Variants in ACTR3C observed in about 807,000 individuals in gnomAD.
ACTR3C encodes the protein actin-related protein 3C.
ACTR3C carries 18 observed loss-of-function variants against 26.3 expected under a neutral mutation model. The observed-to-expected ratio is 0.68, with a 90% CI of 0.47 to 1.01. The LOEUF (loss-of-function observed/expected upper bound fraction) is 1.01, where lower values mean the gene tolerates loss of function less well. Ranked by LOEUF, ACTR3C falls within the 50% of genes least tolerant of loss-of-function variation. The probability of loss-of-function intolerance (pLI) is 0.00; values close to 1 mark genes in which losing one functional copy is unlikely to be tolerated. For synonymous variants in ACTR3C, 55 were observed against 94.5 expected, an observed-to-expected ratio of 0.58 and a Z score of 2.42; for missense variants, 184 against 250.7, an observed-to-expected ratio of 0.73 and a Z score of 1.80.
At chr7:150,185,797 A>C in the ACTR3C span, among the ~76,000 whole-genome samples, 1 of 152,140 alleles carries the variant, frequency 6.6e-6, no homozygotes. Flanking sequence ...GAGTGTAAGT[A>C]GTGTGCCTGT....
chr7:149,954,075 T>C, the ACTR3C span, among the ~76,000 whole-genome samples: 3 of 145,720 alleles, frequency 2.1e-5, no homozygotes, highest in Non-Finnish European at 4.5e-5. Context: ...TATGTAATTT[T>C]TGTTTTCCCA....
the ACTR3C span, among the ~76,000 whole-genome samples, chr7:149,892,985 A>G: frequency 6.6e-6 from 1 of 152,012 alleles, no homozygotes; most frequent in African/African-American, 2.4e-5. Context: ...CCAAATATTA[A>G]TGGCTTTATA....
At chr7:149,889,173 G>A in the ACTR3C span, among the ~76,000 whole-genome samples, 1 of 152,100 alleles carries the variant, frequency 6.6e-6, no homozygotes, top group East Asian at 1.9e-4. Context: ...ACAAACCTAA[G>A]TTTTAAAAGT....
At chr7:150,152,793 A>G in the ACTR3C span, among the ~76,000 whole-genome samples, 1 of 152,220 alleles carries the variant, frequency 6.6e-6, no homozygotes, top group Non-Finnish European at 1.5e-5. Context: ...TTGGTAAGCT[A>G]TTGATTATTG....
the ACTR3C span, among the ~76,000 whole-genome samples, chr7:149,889,521 G>A: frequency 0.031 from 4,773 of 152,218 alleles, 246 homozygotes; most frequent in African/African-American, 0.11. Context: ...CCAGTCAGTA[G>A]GTGAAAAATA....
At chr7:149,939,849 C>T in the ACTR3C span, among the ~76,000 whole-genome samples, 1 of 147,160 alleles carries the variant, frequency 6.8e-6, no homozygotes, top group East Asian at 1.9e-4. Context: ...GCAAATCTTC[C>T]ATTTGAAAGA....
the ACTR3C span, among the ~76,000 whole-genome samples, chr7:149,990,266 C>T: frequency 7.3e-5 from 11 of 150,568 alleles, no homozygotes; most frequent in Admixed American, 5.3e-4. Flanking sequence ...CCCATCAGCC[C>T]CTTTCCCATT....
the ACTR3C span, among the ~76,000 whole-genome samples, chr7:149,931,158 G>A: frequency 4.6e-5 from 7 of 152,242 alleles, no homozygotes; most frequent in Non-Finnish European, 7.3e-5. Context: ...GAGCCACTGA[G>A]CCCGGCCATA....
chr7:150,159,345 C>T, the ACTR3C span, among the ~76,000 whole-genome samples: 1 of 152,138 alleles, frequency 6.6e-6, no homozygotes, highest in African/African-American at 2.4e-5. Flanking sequence ...TTTTCTCTTG[C>T]ACTTCATCCC....
the ACTR3C span, among the ~76,000 whole-genome samples, chr7:150,223,531 G>C: frequency 6.6e-6 from 1 of 151,904 alleles, no homozygotes. Context: ...TTCCCAAGAC[G>C]TTAGTACAAT....
At chr7:150,104,626 G>A in the ACTR3C span, among the ~76,000 whole-genome samples, 36 of 151,452 alleles carry the variant, frequency 2.4e-4, no homozygotes, top group African/African-American at 8.7e-4. Context: ...AGGGCCTACT[G>A]GGTGACAGGA....
the ACTR3C span, among the ~76,000 whole-genome samples, chr7:150,171,544 A>G: frequency 6.8e-6 from 1 of 148,054 alleles, no homozygotes; most frequent in Non-Finnish European, 1.5e-5. Context: ...ACAGGTTTCA[A>G]ATCAACATTT....
At chr7:150,225,710 C>T in the ACTR3C span, among the ~76,000 whole-genome samples, 1 of 152,214 alleles carries the variant, frequency 6.6e-6, no homozygotes, top group East Asian at 1.9e-4. Flanking sequence ...TTGGTTTTGT[C>T]ACATTCTGCA....
At chr7:149,901,706 G>C in the ACTR3C span, among the ~76,000 whole-genome samples, 18 of 152,034 alleles carry the variant, frequency 1.2e-4, no homozygotes, top group East Asian at 3.3e-3. Flanking sequence ...TTGAGGCCAG[G>C]AGTTCAAGAC....
Position 150,286,559 on chromosome 7 carries a change from A to T in ACTR3C, c.298-19T>A. Reference sequence around the variant, plus strand: ...ATTTCTCCTGCATACACACACAAAGATGTTGCCAGGCATTAACAACTGCCC... The same window carrying T: ...ATTTCTCCTGCATACACACACAAAGTTGTTGCCAGGCATTAACAACTGCCC... On this transcript the variant is annotated intron_variant, in intron 4 of 7. Coordinates refer to ENST00000683684, the MANE Select transcript of ACTR3C (RefSeq NM_001164458.2). 6.2e-7 allele frequency: 1 copy of T among 1,604,752 alleles called. No homozygotes were observed. Among genetic ancestry groups the T allele is most frequent in the South Asian group, 1.1e-5 (1 of 88,128 alleles).
At chr7:150,194,605 T>C in the ACTR3C span, among the ~76,000 whole-genome samples, 1 of 152,200 alleles carries the variant, frequency 6.6e-6, no homozygotes, top group Non-Finnish European at 1.5e-5. Context: ...ACCATCCTCC[T>C]AGCTCTTTTC....
the ACTR3C span, among the ~76,000 whole-genome samples, chr7:150,037,724 G>GA: frequency 1.0e-5 from 1 of 98,812 alleles, no homozygotes; most frequent in Non-Finnish European, 2.2e-5. Context: ...CTAAGCCAGG[G>GA]GGGAAGAGGG....
chr7:150,035,439 A>C, the ACTR3C span, among the ~76,000 whole-genome samples: 312 of 16,108 alleles, frequency 0.019, 21 homozygotes, highest in African/African-American at 0.028. Flanking sequence ...TCAGTCCCTG[A>C]CTCGCGGGGG....
At chr7:149,983,591 A>C in the ACTR3C span, among the ~76,000 whole-genome samples, 1 of 150,822 alleles carries the variant, frequency 6.6e-6, no homozygotes, top group Admixed American at 6.6e-5. Flanking sequence ...CTAAAAATAG[A>C]ACCACCATAT....
Sources: gnomAD v4.1 joint callset for allele counts (sites outside exome capture counted in the v4.1 genomes callset) on GRCh38, gnomAD v4.1.1 for gene constraint, MANE v1.5 for transcripts, NCBI Gene and HGNC (gene_info 2026-07-23, HGNC 2026-07-21) for gene names.